Variants in NPAT observed in about 807,000 individuals in gnomAD.
The protein encoded by NPAT is nuclear protein, coactivator of histone transcription, also known as protein NPAT.
In NPAT, 52 loss-of-function variants were observed where a neutral mutation model predicts 130.7. The observed-to-expected ratio is 0.40, with a 90% CI of 0.32 to 0.50. The LOEUF (loss-of-function observed/expected upper bound fraction) is 0.50, where lower values mean the gene tolerates loss of function less well. Among genes scored for constraint, NPAT ranks in the 20% least tolerant of loss-of-function variants. The pLI is 0.68. For missense variants in NPAT, 1,687 were observed against 1,662.6 expected (o/e 1.01, Z -0.26); for synonymous variants, 580 against 584.8 (o/e 0.99, Z 0.12).
chr11:108,183,005 G>C (rs190252169), intron 10 of NPAT, among the ~76,000 whole-genome samples: 2 of 152,318 alleles, frequency 1.3e-5, no homozygotes, highest in Admixed American at 1.3e-4. Context: ...TTTTGAAACA[G>C]TGTCTTGCTC....
rs2077807390 is a variant in NPAT at position 108,157,410 on chromosome 11, T to C, written c.*1532A>G. ...CAAACTTTTGAAGTTAATGAAAATA[T>C]TTATTCAAACCTAACTGTAGTACAG... is the stretch of plus-strand genomic sequence containing the variant. On this transcript the variant is annotated 3_prime_UTR_variant, in exon 18 of 18. Transcript: ENST00000278612. 1 of 152,134 alleles carries C rather than the reference T, an allele frequency of 6.6e-6. No individual in the cohort carries two copies. Among genetic ancestry groups the C allele is most frequent in the Admixed American group, 6.5e-5 (1 of 15,278 alleles). 9.4% of individuals were successfully genotyped at this position (152,134 alleles called of 1,614,324 possible).
chr11:108,159,026 A>G lies in NPAT; in HGVS notation c.4207-7T>C. The G allele has an allele frequency of 6.3e-7, 1 of 1,590,392 alleles. No individual in the cohort carries two copies. Among genetic ancestry groups the G allele is most frequent in the Middle Eastern group, 1.7e-4 (1 of 5,898 alleles). ...AACTGGGAAGCTTCTTTTTCTGTTG[A>G]AAAAGAGAAAGAAAAAATAAACTCA... On this transcript the variant is annotated splice_polypyrimidine_tract_variant and splice_region_variant and intron_variant, in intron 17 of 17. Transcript: ENST00000278612.
At chr11:108,181,400 G>A (rs888966524) in intron 10 of NPAT, among the ~76,000 whole-genome samples, 5 of 152,104 alleles carry the variant, frequency 3.3e-5, no homozygotes, top group African/African-American at 9.7e-5. Context: ...GGGAGGCAGA[G>A]ATTGCAGCAA....
chr11:108,202,127 C>T (rs1461891315), intron 1 of NPAT, among the ~76,000 whole-genome samples: 1 of 152,150 alleles, frequency 6.6e-6, no homozygotes, highest in East Asian at 1.9e-4. Flanking sequence ...TATACTGATT[C>T]TAAGTATACT....
chr11:108,206,611 T>C (rs959933797), intron 1 of NPAT, among the ~76,000 whole-genome samples: 2 of 152,088 alleles, frequency 1.3e-5, no homozygotes, highest in Non-Finnish European at 2.9e-5. Flanking sequence ...ACAACCCTGG[T>C]TTGGGGAGCT....
At position 108,203,239 on chromosome 11, in the gene NPAT, A is replaced by G. The variant is rs145077783; in HGVS notation, c.38-5819T>C. 6.2e-3 allele frequency among the ~76,000 whole-genome samples: 938 copies of G among 152,272 alleles called. 6 individuals are homozygous for G. Among genetic ancestry groups the G allele is most frequent in the East Asian group, 0.012 (61 of 5,182 alleles). ...TTGCTAGACCAAGAAACCTCTGATTAGATTACATGTATAACATCTTTGGCC... is the reference window on the plus strand; with the variant it reads ...TTGCTAGACCAAGAAACCTCTGATTGGATTACATGTATAACATCTTTGGCC... On this transcript the variant is annotated intron_variant, in intron 1 of 17. Coordinates refer to ENST00000278612, the MANE Select transcript of NPAT (RefSeq NM_002519.3).
At chr11:108,215,392 A>G (rs2078424141) in intron 1 of NPAT, among the ~76,000 whole-genome samples, 1 of 152,176 alleles carries the variant, frequency 6.6e-6, no homozygotes, top group African/African-American at 2.4e-5. Flanking sequence ...GGGTGGGAGG[A>G]GGTAGAGGAT....
rs1162660456 is a variant in NPAT, at chr11:108,161,336, T to C, written c.3750A>G (p.Ile1250Met). 3 of 1,614,232 alleles carry C rather than the reference T, an allele frequency of 1.9e-6. No homozygotes were observed. The highest frequency in any genetic ancestry group is 2.5e-6 in the Non-Finnish European group (3 of 1,180,032). The stretch of plus-strand genomic sequence containing the variant: ...GCCTACTTACTGAGCTGTGCCTCTG[T>C]ATATCCTGTAACATTTCTGTGGTAA... Reference protein sequence around the residue: ...SLITTEMLQDIQRHSSVSRLA... With the variant: ...SLITTEMLQDMQRHSSVSRLA... The change falls in exon 17 of 18, where the codon ATA (isoleucine) becomes ATG (methionine). Residue 1250 changes from isoleucine to methionine, a missense_variant. Transcript: ENST00000278612.
Position 108,192,132 on chromosome 11 carries a change from T to A in NPAT, c.276A>T (p.Thr92=). 2 of 1,600,160 alleles carry A rather than the reference T, an allele frequency of 1.2e-6. No individual in the cohort carries two copies. Among genetic ancestry groups the A allele is most frequent in the Non-Finnish European group, 1.7e-6 (2 of 1,167,372 alleles). The change falls in exon 4 of 18, where the codon ACA becomes ACT. Residue 92 remains threonine (T), a synonymous_variant. Coordinates refer to ENST00000278612, the MANE Select transcript of NPAT (RefSeq NM_002519.3). ...TAGCTTATTACCTGATCTGAGAAAG[T>A]GTATGGTCCAATTTCTTCCATAGAG... ...MSSLWKKLDH[T]LSQIRSMQSS...
chr11:108,208,006 T>C (rs1210624234), intron 1 of NPAT, among the ~76,000 whole-genome samples: 1 of 152,214 alleles, frequency 6.6e-6, no homozygotes, highest in Non-Finnish European at 1.5e-5. Flanking sequence ...AGACTTAAAG[T>C]TGTTATGTTA....
At chr11:108,191,978 T>C (rs1388921830) in intron 4 of NPAT, 140 bp downstream of exon 4, 1 of 690,862 alleles carries the variant, frequency 1.4e-6, no homozygotes, top group Non-Finnish European at 2.7e-6. Context: ...GTCAGTAACC[T>C]CCACAGTACC....
chr11:108,178,410 T>C (rs1424862208), intron 10 of NPAT, among the ~76,000 whole-genome samples: 1 of 152,034 alleles, frequency 6.6e-6, no homozygotes. Flanking sequence ...ATTTTGCACC[T>C]TATTATTATT....
chr11:108,207,630 G>C (rs1000321447), intron 1 of NPAT, among the ~76,000 whole-genome samples: 1 of 152,276 alleles, frequency 6.6e-6, no homozygotes, highest in African/African-American at 2.4e-5. Flanking sequence ...AGCAGGCTCA[G>C]CCTCAACTTT....
At position 108,197,484 on chromosome 11, in the gene NPAT, T is replaced by C. The variant is rs145461033; in HGVS notation, c.38-64A>G. ...TCTGTACTTTTGGTTAAAACTGCTA[T>C]TGAAAATGCTGTAGCATGTACTGAT... On this transcript the variant is annotated intron_variant, in intron 1 of 17. Transcript: ENST00000278612. The C allele has an allele frequency of 3.8e-3, 3,843 of 1,011,624 alleles. 21 individuals are homozygous for C. The highest frequency in any genetic ancestry group is 5.3e-3 in the Non-Finnish European group (3,333 of 632,092). The allele number at this position is 1,011,624 out of a possible 1,614,324, so 62.7% of individuals were successfully genotyped here.
chr11:108,187,018 C>A (rs1221243648), intron 7 of NPAT, among the ~76,000 whole-genome samples: 2 of 152,132 alleles, frequency 1.3e-5, no homozygotes, highest in Admixed American at 6.5e-5. Flanking sequence ...TGGTCTGAAG[C>A]ACAGCAAGCT....
At chr11:108,210,393 C>A (rs965045689) in intron 1 of NPAT, among the ~76,000 whole-genome samples, 5 of 152,094 alleles carry the variant, frequency 3.3e-5, no homozygotes, top group African/African-American at 1.2e-4. Context: ...TCTCACAAGA[C>A]CTGGTCATTT....
chr11:108,173,104 T>G lies in NPAT; in HGVS notation c.1880A>C (p.Asp627Ala). 6.2e-7 allele frequency: 1 copy of G among 1,614,066 alleles called. No individual in the cohort carries two copies. The highest frequency in any genetic ancestry group is 1.1e-5 in the South Asian group (1 of 91,086). ...TGGTTGTTTAGTAGAAGACAGCGAA[T>G]CTCCAAGATGAATTTCTACTTGTCC... ...VSGQVEIHLG[D>A]SLSSTKQPSN... Residue 627 changes from aspartate to alanine, a missense_variant, in exon 13 of 18, where the codon GAT becomes GCT. Coordinates refer to ENST00000278612, the MANE Select transcript of NPAT (RefSeq NM_002519.3).
At chr11:108,195,617 T>C (rs961907865) in intron 2 of NPAT, among the ~76,000 whole-genome samples, 4 of 143,510 alleles carry the variant, frequency 2.8e-5, no homozygotes, top group Non-Finnish European at 4.6e-5. Context: ...ATGTAAGATA[T>C]AAATATTTTC....
chr11:108,191,367 A>T, intron 4 of NPAT, among the ~76,000 whole-genome samples: 1 of 152,200 alleles, frequency 6.6e-6, no homozygotes, highest in East Asian at 1.9e-4. Context: ...TTTAGTATGA[A>T]TTAGAGTGGC....
Sources: gnomAD v4.1 joint callset for allele counts (sites outside exome capture counted in the v4.1 genomes callset) on GRCh38, gnomAD v4.1.1 for gene constraint, MANE v1.5 for transcripts, NCBI Gene and HGNC (gene_info 2026-07-23, HGNC 2026-07-21) for gene names.